The following GAB2 variants were observed in gnomAD, a reference collection of about 807,000 sequenced individuals.
GAB2 encodes the protein GRB2 associated binding protein 2, also known as GRB2-associated-binding protein 2.
Under a neutral mutation model 65.5 loss-of-function variants are expected in GAB2, and 26 were observed. The ratio of observed to expected loss-of-function variants is 0.40; its 90% CI spans 0.29 to 0.55. GAB2 has a LOEUF of 0.55. GAB2 is among the 20% of genes least tolerant of loss of function. The pLI is 0.53. For synonymous variants in GAB2, 321 were observed against 329.6 expected, an observed-to-expected ratio of 0.97 and a Z score of 0.28; for missense variants, 884 against 875.8, an observed-to-expected ratio of 1.01 and a Z score of -0.12.
intron 1 of GAB2, among the ~76,000 whole-genome samples, chr11:78,346,721 A>ATATATATATATATAT (rs1491548868): frequency 5.8e-5 from 2 of 34,600 alleles, no homozygotes; most frequent in African/African-American, 1.3e-4. Flanking sequence ...ATATATATAT[A>ATATATATATATATAT]ATTTTTTTTT....
chr11:78,396,794 T>C lies in GAB2; in HGVS notation c.75+20852A>G, dbSNP rs142205975. The stretch of plus-strand genomic sequence containing the variant: ...GTATTTTTAGTAGAGATGGGATTTC[T>C]CTGTGTTGGTCAGGCTGCTCTCCAA... On this transcript the variant is annotated intron_variant, in intron 1 of 9. Coordinates refer to ENST00000361507, the MANE Select transcript of GAB2 (RefSeq NM_080491.3). Among the ~76,000 whole-genome samples the C allele has an allele frequency of 3.6e-3, 542 of 152,232 alleles. 5 individuals are homozygous for C. The highest frequency in any genetic ancestry group is 0.012 in the African/African-American group (489 of 41,546).
At chr11:78,240,934 T>C (rs969456460) in intron 3 of GAB2, among the ~76,000 whole-genome samples, 3 of 152,176 alleles carry the variant, frequency 2.0e-5, no homozygotes, top group African/African-American at 4.8e-5. Flanking sequence ...AATAGGTTCA[T>C]GAGACTCTGA....
intron 1 of GAB2, among the ~76,000 whole-genome samples, chr11:78,293,990 A>G (rs190155087): frequency 3.9e-5 from 6 of 152,170 alleles, no homozygotes; most frequent in Non-Finnish European, 4.4e-5. Flanking sequence ...ATATGTATAC[A>G]TGTGCCATGT....
chr11:78,379,148 T>C (rs1476775360), intron 1 of GAB2, among the ~76,000 whole-genome samples: 6 of 152,240 alleles, frequency 3.9e-5, no homozygotes, highest in African/African-American at 1.2e-4. Context: ...TAACTCCTCC[T>C]GTTCACATTA....
At chr11:78,268,533 C>A (rs1333187702) in intron 2 of GAB2, among the ~76,000 whole-genome samples, 2 of 152,026 alleles carry the variant, frequency 1.3e-5, no homozygotes, top group Non-Finnish European at 2.9e-5. Flanking sequence ...CATTTATTAT[C>A]CTCTTTTAAT....
At chr11:78,273,755 C>A (rs1866083975) in intron 2 of GAB2, among the ~76,000 whole-genome samples, 1 of 152,148 alleles carries the variant, frequency 6.6e-6, no homozygotes, top group South Asian at 2.1e-4. Context: ...GGCTGTGTCC[C>A]CACCCAAATC....
chr11:78,384,605 G>A (rs1856742372), intron 1 of GAB2, among the ~76,000 whole-genome samples: 1 of 152,202 alleles, frequency 6.6e-6, no homozygotes, highest in Admixed American at 6.5e-5. Flanking sequence ...GAACCTGGTG[G>A]AACAAAGAAT....
At position 78,317,546 on chromosome 11, in the gene GAB2, G is replaced by A. The variant is rs1305452310; in HGVS notation, c.76-36645C>T. Among the ~76,000 whole-genome samples the A allele has an allele frequency of 9.2e-5, 11 of 119,776 alleles. No individual in the cohort carries two copies. The South Asian group carries it at 2.3e-3, about 25-fold the overall frequency. 78.6% of individuals were successfully genotyped at this position (119,776 alleles called of 152,430 possible). On this transcript the variant is annotated intron_variant, in intron 1 of 9. Coordinates refer to ENST00000361507, the MANE Select transcript of GAB2 (RefSeq NM_080491.3). ...CTGCACTCCAGCCTGGCAACAGTGCGAGACTCCGTCTCAAAAAAAAAAAAA... is the reference window on the plus strand; with the variant it reads ...CTGCACTCCAGCCTGGCAACAGTGCAAGACTCCGTCTCAAAAAAAAAAAAA...
intron 2 of GAB2, among the ~76,000 whole-genome samples, chr11:78,279,823 C>G (rs1866282484): frequency 1.3e-5 from 2 of 152,010 alleles, no homozygotes; most frequent in East Asian, 3.9e-4. Flanking sequence ...TGGGTTGTTT[C>G]CACTTTTTGG....
At chr11:78,276,111 C>CAAAAAAAAAA (rs539148797) in intron 2 of GAB2, among the ~76,000 whole-genome samples, 1 of 97,378 alleles carries the variant, frequency 1.0e-5, no homozygotes. Flanking sequence ...AAGACTGTCT[C>CAAAAAAAAAA]AAAAAAAAAA....
chr11:78,413,821 ATGTC>A (rs1433854485), intron 1 of GAB2, among the ~76,000 whole-genome samples: 1 of 152,072 alleles, frequency 6.6e-6, no homozygotes, highest in Non-Finnish European at 1.5e-5. Context: ...GCGGTGGCTC[ATGTC>A]TGTCTGTAAT....
intron 3 of GAB2, among the ~76,000 whole-genome samples, chr11:78,235,278 G>A (rs552795854): frequency 2.0e-5 from 3 of 151,822 alleles, no homozygotes; most frequent in South Asian, 2.1e-4. Context: ...TCAGTCTCCC[G>A]AGTAGCTGGG....
intron 1 of GAB2, among the ~76,000 whole-genome samples, chr11:78,292,418 T>C (rs545213224): frequency 6.6e-6 from 1 of 152,360 alleles, no homozygotes; most frequent in East Asian, 1.9e-4. Flanking sequence ...TTCTGTTATC[T>C]TTGGTATACC....
At chr11:78,337,473 T>C (rs959689419) in intron 1 of GAB2, among the ~76,000 whole-genome samples, 1 of 152,000 alleles carries the variant, frequency 6.6e-6, no homozygotes, top group Non-Finnish European at 1.5e-5. Flanking sequence ...GGCTAGAAAG[T>C]AATAAAAGAA....
intron 1 of GAB2, among the ~76,000 whole-genome samples, chr11:78,383,809 G>T (rs1249668892): frequency 4.6e-5 from 7 of 152,076 alleles, no homozygotes; most frequent in Non-Finnish European, 8.8e-5. Context: ...GTGAGTCAGG[G>T]TAAGGTCTCT....
intron 2 of GAB2, among the ~76,000 whole-genome samples, chr11:78,277,084 T>C (rs1345043518): frequency 6.6e-6 from 1 of 152,206 alleles, no homozygotes. Context: ...CCCAAAGTGC[T>C]GGGATTACAG....
chr11:78,301,423 A>G (rs1261500366), intron 1 of GAB2, among the ~76,000 whole-genome samples: 3 of 147,944 alleles, frequency 2.0e-5, no homozygotes, highest in Non-Finnish European at 3.0e-5. Context: ...TCTGCCTCCC[A>G]AGTTCAAGCG....
intron 1 of GAB2, among the ~76,000 whole-genome samples, chr11:78,317,139 G>A (rs1156816825): frequency 1.3e-5 from 2 of 152,182 alleles, no homozygotes; most frequent in Non-Finnish European, 2.9e-5. Flanking sequence ...GGCCACCGGA[G>A]GAATAGGGCA....
intron 1 of GAB2, among the ~76,000 whole-genome samples, chr11:78,384,255 G>A (rs919793339): frequency 8.5e-5 from 13 of 152,192 alleles, no homozygotes; most frequent in African/African-American, 3.1e-4. Context: ...ACTCTCATAT[G>A]GGAGCTATGT....
Sources: gnomAD v4.1 joint callset for allele counts (sites outside exome capture counted in the v4.1 genomes callset) on GRCh38, gnomAD v4.1.1 for gene constraint, MANE v1.5 for transcripts, NCBI Gene and HGNC (gene_info 2026-07-23, HGNC 2026-07-21) for gene names.